Variants in TGFBR3 observed in about 807,000 individuals in gnomAD.
TGFBR3 encodes the protein transforming growth factor beta receptor type 3.
A neutral mutation model predicts 87.9 loss-of-function variants in TGFBR3; 46 were observed. That is an observed-to-expected ratio of 0.52 (90% CI 0.41 to 0.67). The LOEUF (loss-of-function observed/expected upper bound fraction) is 0.67, where lower values mean the gene tolerates loss of function less well. TGFBR3 is among the 30% of genes least tolerant of loss of function. The pLI is 0.00. For synonymous variants in TGFBR3, 381 were observed against 391.6 expected (o/e 0.97, Z 0.32); for missense variants, 866 against 1,041.9 (o/e 0.83, Z 2.32).
rs532563189 is a variant in TGFBR3, at chr1:91,748,943, C to T, written c.384+9670G>A. Among the ~76,000 whole-genome samples, 33 of 152,144 alleles carry T rather than the reference C, an allele frequency of 2.2e-4. No homozygotes were observed. In the South Asian group the frequency reaches 2.9e-3, roughly 13 times the overall value. On this transcript the variant is annotated intron_variant, in intron 4 of 16. Transcript: ENST00000212355. ...ATACATGTAAGTACTCAGAAGAGTACCTCACACACGGCACACACTAGAAGT... is the reference window on the plus strand; with the variant it reads ...ATACATGTAAGTACTCAGAAGAGTATCTCACACACGGCACACACTAGAAGT...
intron 4 of TGFBR3, among the ~76,000 whole-genome samples, chr1:91,743,754 T>C (rs2029356): frequency 0.71 from 107,757 of 152,118 alleles, 38,487 homozygotes; most frequent in South Asian, 0.76. Context: ...GGTTCTGTGC[T>C]GAGAAGGATT....
intron 4 of TGFBR3, among the ~76,000 whole-genome samples, chr1:91,746,627 T>C (rs80336614): frequency 6.6e-6 from 1 of 152,220 alleles, no homozygotes; most frequent in South Asian, 2.1e-4. Context: ...TCTTTTTTTT[T>C]CTTCTAAGTT....
At chr1:91,709,964 G>A (rs1671924010) in intron 13 of TGFBR3, among the ~76,000 whole-genome samples, 1 of 152,070 alleles carries the variant, frequency 6.6e-6, no homozygotes, top group African/African-American at 2.4e-5. Context: ...TCACTATGCT[G>A]ACCAGGCTGG....
At chr1:91,810,814 C>T (rs1676004942) in intron 2 of TGFBR3, among the ~76,000 whole-genome samples, 1 of 152,140 alleles carries the variant, frequency 6.6e-6, no homozygotes, top group South Asian at 2.1e-4. Flanking sequence ...TTAGGATCAA[C>T]TCATTTTTAT....
In TGFBR3 at chr1:91,712,513, C is replaced by T. The variant is rs777614030; in HGVS notation, c.1896G>A (p.Leu632=). The T allele has an allele frequency of 2.5e-6, 4 of 1,614,148 alleles. No homozygotes were observed. Among genetic ancestry groups the T allele is most frequent in the Non-Finnish European group, 3.4e-6 (4 of 1,180,028 alleles). Reference sequence around the variant, plus strand: ...TAAAGCACGTTTGGATGGCAAATCCCAGTTCTTGTTCAGCCTTAGTAACAG... The same window carrying T: ...TAAAGCACGTTTGGATGGCAAATCCTAGTTCTTGTTCAGCCTTAGTAACAG... ...EVSVTKAEQE[L]GFAIQTCFIS... The change falls in exon 13 of 17, where the codon CTG becomes CTA. Residue 632 remains leucine, a synonymous_variant. Transcript: ENST00000212355.
chr1:91,865,913 CAAAAA>C (rs11330651), intron 1 of TGFBR3, among the ~76,000 whole-genome samples: 5 of 108,822 alleles, frequency 4.6e-5, no homozygotes, highest in Admixed American at 1.8e-4. Flanking sequence ...CTACGTCTCC[CAAAAA>C]AAAAAAAAAA....
At chr1:91,769,602 T>C (rs1674303381) in intron 3 of TGFBR3, among the ~76,000 whole-genome samples, 1 of 151,972 alleles carries the variant, frequency 6.6e-6, no homozygotes, top group East Asian at 1.9e-4. Context: ...AGGCCCCACA[T>C]GATTGGAGAG....
At chr1:91,722,386 T>G (rs1354766466) in intron 7 of TGFBR3, among the ~76,000 whole-genome samples, 1 of 152,174 alleles carries the variant, frequency 6.6e-6, no homozygotes, top group Non-Finnish European at 1.5e-5. Flanking sequence ...ATAAAAAAAA[T>G]CATCCAATGA....
intron 16 of TGFBR3, among the ~76,000 whole-genome samples, chr1:91,693,955 C>T (rs1489077626): frequency 6.6e-6 from 1 of 152,160 alleles, no homozygotes; most frequent in African/African-American, 2.4e-5. Flanking sequence ...GAGAATCCTC[C>T]TAAACTGATT....
intron 4 of TGFBR3, among the ~76,000 whole-genome samples, chr1:91,757,186 CT>C (rs2100890402): frequency 6.6e-6 from 1 of 152,242 alleles, no homozygotes; most frequent in South Asian, 2.1e-4. Flanking sequence ...ATGACTGATA[CT>C]TTTGAAGATT....
intron 14 of TGFBR3, among the ~76,000 whole-genome samples, chr1:91,703,986 T>A (rs922285613): frequency 4.6e-5 from 7 of 152,132 alleles, no homozygotes; most frequent in Non-Finnish European, 1.0e-4. Flanking sequence ...TCATAATCAT[T>A]AGGGTATTTG....
At chr1:91,857,726 G>A (rs1678015907) in intron 2 of TGFBR3, among the ~76,000 whole-genome samples, 1 of 152,066 alleles carries the variant, frequency 6.6e-6, no homozygotes, top group South Asian at 2.1e-4. Context: ...ATCACTTGAG[G>A]TCAAGAGTTC....
chr1:91,708,090 T>C (rs1017512598), intron 14 of TGFBR3, among the ~76,000 whole-genome samples: 3 of 152,230 alleles, frequency 2.0e-5, no homozygotes, highest in Non-Finnish European at 4.4e-5. Flanking sequence ...TGCTGAATGT[T>C]CCTGCTTGTG....
chr1:91,746,212 T>C (rs1010612984), intron 4 of TGFBR3, among the ~76,000 whole-genome samples: 1 of 152,168 alleles, frequency 6.6e-6, no homozygotes, highest in Non-Finnish European at 1.5e-5. Context: ...TCATCTCCCA[T>C]GGAAACGTTA....
chr1:91,729,446 TAACC>T (rs1672685549), intron 6 of TGFBR3, among the ~76,000 whole-genome samples: 4 of 152,224 alleles, frequency 2.6e-5, no homozygotes, highest in African/African-American at 9.7e-5. Context: ...CTATCAGGGA[TAACC>T]TTAGTCAGAG....
chr1:91,858,610 C>CAAAAAAAAA (rs58608714), intron 2 of TGFBR3, among the ~76,000 whole-genome samples: 1 of 78,318 alleles, frequency 1.3e-5, no homozygotes, highest in Non-Finnish European at 2.3e-5. Flanking sequence ...GACTCTGTCT[C>CAAAAAAAAA]AAAAAAAAAA....
intron 3 of TGFBR3, among the ~76,000 whole-genome samples, chr1:91,778,649 A>G (rs1674656357): frequency 6.6e-6 from 1 of 152,218 alleles, no homozygotes; most frequent in Non-Finnish European, 1.5e-5. Flanking sequence ...CTACATCAAC[A>G]TACTTATTTA....
At chr1:91,778,006 T>C (rs1037759418) in intron 3 of TGFBR3, among the ~76,000 whole-genome samples, 1 of 152,206 alleles carries the variant, frequency 6.6e-6, no homozygotes, top group Non-Finnish European at 1.5e-5. Flanking sequence ...TCACATGTAC[T>C]CTGTCCTGAC....
chr1:91,838,624 A>AAT (rs1345456726), intron 2 of TGFBR3, among the ~76,000 whole-genome samples: 2 of 124,526 alleles, frequency 1.6e-5, no homozygotes, highest in African/African-American at 5.5e-5. Context: ...ACACCCGACT[A>AAT]ATTTTTTTTT....
Sources: gnomAD v4.1 joint callset for allele counts (sites outside exome capture counted in the v4.1 genomes callset) on GRCh38, gnomAD v4.1.1 for gene constraint, MANE v1.5 for transcripts, NCBI Gene and HGNC (gene_info 2026-07-23, HGNC 2026-07-21) for gene names.